The following POLR3G variants were observed in gnomAD, a reference collection of about 807,000 sequenced individuals.
POLR3G encodes the protein DNA-directed RNA polymerase III subunit RPC7.
Under a neutral mutation model 30.1 loss-of-function variants are expected in POLR3G, and 28 were observed. The ratio of observed to expected loss-of-function variants is 0.93; its 90% CI spans 0.69 to 1.27. The LOEUF is 1.27. Among genes scored for constraint, POLR3G ranks in the 50% most tolerant of loss-of-function variants. The pLI, the probability that POLR3G is intolerant of heterozygous loss-of-function variation, is 0.00. For missense variants in POLR3G, 254 were observed against 264.6 expected (o/e 0.96, Z 0.28); for synonymous variants, 79 against 82.5 (o/e 0.96, Z 0.23).
intron 1 of POLR3G, among the ~76,000 whole-genome samples, chr5:90,479,643 C>T (rs531206440): frequency 1.4e-4 from 22 of 151,944 alleles, no homozygotes; most frequent in African/African-American, 4.8e-4. Context: ...GAGGATCTTT[C>T]CAAGAGCAAT....
intron 2 of POLR3G, among the ~76,000 whole-genome samples, chr5:90,487,169 A>G (rs1751480133): frequency 6.6e-6 from 1 of 152,104 alleles, no homozygotes; most frequent in South Asian, 2.1e-4. Context: ...CTGTAAAAGG[A>G]TAAATATTGG....
chr5:90,499,456 T>C (rs2151911127), intron 5 of POLR3G, among the ~76,000 whole-genome samples: 1 of 152,326 alleles, frequency 6.6e-6, no homozygotes, highest in South Asian at 2.1e-4. Context: ...GTTTTTGACA[T>C]GTTGGTTATT....
chr5:90,474,543 C>CGGGTGCT (rs958506100), upstream of POLR3G: 2 of 518,054 alleles, frequency 3.9e-6, no homozygotes, highest in African/African-American at 3.9e-5. Context: ...GCCACCAGCA[C>CGGGTGCT]GGGGGCGCAG....
intron 1 of POLR3G, among the ~76,000 whole-genome samples, chr5:90,482,872 G>A (rs1457845335): frequency 6.6e-6 from 1 of 152,132 alleles, no homozygotes. Flanking sequence ...TGGGCGCAGT[G>A]GCTCACAACT....
chr5:90,499,528 AACC>A (rs943886315), intron 5 of POLR3G, among the ~76,000 whole-genome samples: 5 of 152,146 alleles, frequency 3.3e-5, no homozygotes, highest in African/African-American at 1.2e-4. Flanking sequence ...GGAATGGCTT[AACC>A]GGTAAATGGA....
At chr5:90,484,720 A>T (rs1019509110) in intron 1 of POLR3G, among the ~76,000 whole-genome samples, 1 of 152,206 alleles carries the variant, frequency 6.6e-6, no homozygotes, top group African/African-American at 2.4e-5. Flanking sequence ...TCCAGGGGAC[A>T]TACCATTTCT....
At chr5:90,478,887 G>C (rs1191163385) in intron 1 of POLR3G, among the ~76,000 whole-genome samples, 3 of 151,936 alleles carry the variant, frequency 2.0e-5, no homozygotes, top group African/African-American at 7.3e-5. Context: ...AAAAAGTCCT[G>C]ATGCTTAAAT....
intron 7 of POLR3G, among the ~76,000 whole-genome samples, chr5:90,510,382 GAA>G (rs906545280): frequency 1.5e-5 from 2 of 137,090 alleles, no homozygotes; most frequent in Non-Finnish European, 3.2e-5. Context: ...GCGTCTCAAA[GAA>G]AAAAAAAAAA....
At chr5:90,497,797 A>C (rs1752062500) in intron 5 of POLR3G, 91 bp downstream of exon 5, 1 of 1,418,622 alleles carries the variant, frequency 7.0e-7, no homozygotes, top group Non-Finnish European at 9.5e-7. Context: ...AGTTATACTC[A>C]CTGTTCTTAA....
chr5:90,510,195 G>A (rs575883804), intron 7 of POLR3G, among the ~76,000 whole-genome samples: 46 of 152,154 alleles, frequency 3.0e-4, no homozygotes, highest in African/African-American at 1.1e-3. Flanking sequence ...TGGCTAACAC[G>A]GTGAAACCCC....
chr5:90,512,062 T>A lies in POLR3G; in HGVS notation c.595T>A (p.Tyr199Asn). 2 of 1,596,588 alleles carry A rather than the reference T, an allele frequency of 1.3e-6. No individual in the cohort carries two copies. Among genetic ancestry groups the A allele is most frequent in the South Asian group, 1.1e-5 (1 of 90,622 alleles). ...DEEEQEEEND[Y>N]INSYFEDGDD... ...ATATCATTTCACTTAGGAAAATGACTACATTAATTCATACTTTGAAGATGG... is the reference window on the plus strand; with the variant it reads ...ATATCATTTCACTTAGGAAAATGACAACATTAATTCATACTTTGAAGATGG... The change falls in exon 8 of 8, where the codon TAC becomes AAC. Residue 199 changes from tyrosine (Y) to asparagine (N), a missense_variant. Coordinates refer to ENST00000651687, the MANE Select transcript of POLR3G (RefSeq NM_006467.3).
chr5:90,509,449 A>G (rs1279056996), intron 7 of POLR3G, among the ~76,000 whole-genome samples: 2 of 152,200 alleles, frequency 1.3e-5, no homozygotes, highest in Non-Finnish European at 2.9e-5. Flanking sequence ...TTCTTCTCTC[A>G]GGGAAATTAC....
chr5:90,497,822 T>C, intron 5 of POLR3G, 116 bp downstream of exon 5: 1 of 1,257,484 alleles, frequency 8.0e-7, no homozygotes, highest in Non-Finnish European at 1.1e-6. Context: ...TTTCTTATTT[T>C]GAGCCAGACA....
chr5:90,491,567 G>C (rs1580204831), intron 3 of POLR3G, among the ~76,000 whole-genome samples: 1 of 150,256 alleles, frequency 6.7e-6, no homozygotes, highest in East Asian at 1.9e-4. Flanking sequence ...TTGTTTGTAT[G>C]ATTAATATTG....
At position 90,513,798 on chromosome 5, in the gene POLR3G, A is replaced by G. The variant is rs193161214; in HGVS notation, c.*1659A>G. On this transcript the variant is annotated 3_prime_UTR_variant, in exon 8 of 8. Coordinates refer to ENST00000651687, the MANE Select transcript of POLR3G (RefSeq NM_006467.3). ...AATTTTAAGATTCTAAATGGAATAC[A>G]CGAATAAAGTAAGCCTTAGAATAGA... 3 of 152,372 alleles carry G rather than the reference A, an allele frequency of 2.0e-5. No homozygotes were observed. In the East Asian group the frequency reaches 5.8e-4, roughly 29 times the overall value. The allele number at this position is 152,372 out of a possible 1,614,324, so 9.4% of individuals were successfully genotyped here.
intron 7 of POLR3G, among the ~76,000 whole-genome samples, chr5:90,507,368 C>T (rs893315906): frequency 6.6e-6 from 1 of 152,162 alleles, no homozygotes; most frequent in Non-Finnish European, 1.5e-5. Flanking sequence ...AATTTTGCTT[C>T]TCTGGAAACT....
At chr5:90,495,858 A>G in intron 4 of POLR3G, 125 bp downstream of exon 4, 1 of 1,236,370 alleles carries the variant, frequency 8.1e-7, no homozygotes, top group Non-Finnish European at 1.1e-6. Context: ...TTTTATTGTG[A>G]TTAATTAGTA....
intron 1 of POLR3G, 121 bp downstream of exon 1, chr5:90,475,141 G>C (rs1214363537): frequency 6.6e-6 from 1 of 152,308 alleles, no homozygotes; most frequent in Non-Finnish European, 1.5e-5. Context: ...CCTCTGGTTT[G>C]AGGGGCGTTT....
chr5:90,475,480 T>TTTATTA (rs3073507), intron 1 of POLR3G, among the ~76,000 whole-genome samples: 1 of 145,912 alleles, frequency 6.9e-6, no homozygotes, highest in Non-Finnish European at 1.5e-5. Flanking sequence ...TTTTTTTAAT[T>TTTATTA]TTATTATTAT....
Sources: gnomAD v4.1 joint callset for allele counts (sites outside exome capture counted in the v4.1 genomes callset) on GRCh38, gnomAD v4.1.1 for gene constraint, MANE v1.5 for transcripts, NCBI Gene and HGNC (gene_info 2026-07-23, HGNC 2026-07-21) for gene names.